XCL2: variants seen among roughly 807,000 people sequenced by gnomAD.
The protein encoded by XCL2 is cytokine SCM-1 beta.
In XCL2, 8 loss-of-function variants were observed where a neutral mutation model predicts 7.2. The ratio of observed to expected loss-of-function variants is 1.10; its 90% CI spans 0.65 to 1.99. The LOEUF (loss-of-function observed/expected upper bound fraction) is 1.99. XCL2 is among the 30% of genes most tolerant of loss of function. The probability of loss-of-function intolerance (pLI) is 0.00; values close to 1 mark genes in which losing one functional copy is unlikely to be tolerated. For missense variants in XCL2, 131 were observed against 138.6 expected, an observed-to-expected ratio of 0.94 and a Z score of 0.28; for synonymous variants, 46 against 54.2, an observed-to-expected ratio of 0.85 and a Z score of 0.67.
chr1:168,541,046 A>T lies in XCL2; in HGVS notation c.251T>A (p.Met84Lys). The change falls in exon 3 of 3, where the codon ATG becomes AAG. Residue 84 changes from methionine (M) to lysine (K), a missense_variant. By Grantham distance (95) the Met-to-Lys change is moderately conservative. Transcript: ENST00000367819. ...ATWVRDVVRSMDRKSNTRNNM... is the reference protein window; with the variant it reads ...ATWVRDVVRSKDRKSNTRNNM... The stretch of plus-strand genomic sequence containing the variant: ...ATTTCTGGTGTTGGATTTCCTGTCC[A>T]TGCTCCTGACCACGTCTCTCACCCA... The T allele has an allele frequency of 6.2e-7, 1 of 1,613,696 alleles. No individual in the cohort carries two copies. Among genetic ancestry groups the T allele is most frequent in the Non-Finnish European group, 8.5e-7 (1 of 1,179,730 alleles).
chr1:168,543,574 T>G (rs542735711), intron 1 of XCL2, among the ~76,000 whole-genome samples: 1 of 146,450 alleles, frequency 6.8e-6, no homozygotes, highest in African/African-American at 2.4e-5. Context: ...TAAACCATAA[T>G]ATTTATTTAA....
chr1:168,541,470 A>C (rs2101815135), intron 2 of XCL2, among the ~76,000 whole-genome samples: 1 of 152,130 alleles, frequency 6.6e-6, no homozygotes, highest in Middle Eastern at 3.4e-3. Context: ...ATTTTTTTTA[A>C]AAAGGTGATT....
chr1:168,541,159 T>G, intron 2 of XCL2, 39 bp from the exon 3 acceptor site: 1 of 1,607,474 alleles, frequency 6.2e-7, no homozygotes, highest in Non-Finnish European at 8.5e-7. Context: ...TTAGCCACGT[T>G]CTCAAAGCCT....
At position 168,540,773 on chromosome 1, in the gene XCL2, A is replaced by G. The variant is rs1654257599; in HGVS notation, c.*179T>C. ...AATAGACTAGGGAACTATTCTTAAT[A>G]ATAAATAATTTATTAATTAGAACAT... On this transcript the variant is annotated 3_prime_UTR_variant, in exon 3 of 3. Coordinates refer to ENST00000367819, the MANE Select transcript of XCL2 (RefSeq NM_003175.4). 7 of 699,038 alleles carry G rather than the reference A, an allele frequency of 1.0e-5. No individual in the cohort carries two copies. Among genetic ancestry groups the G allele is most frequent in the South Asian group, 8.6e-5 (2 of 23,282 alleles). The allele number at this position is 699,038 out of a possible 1,614,324, so 43.3% of individuals were successfully genotyped here.
chr1:168,543,971 G>C lies in XCL2; in HGVS notation c.-7C>G, dbSNP rs371559713. The C allele has an allele frequency of 1.2e-5, 19 of 1,605,402 alleles. No homozygotes were observed. Among genetic ancestry groups the C allele is most frequent in the Non-Finnish European group, 1.5e-5 (18 of 1,176,132 alleles). On this transcript the variant is annotated 5_prime_UTR_variant, in exon 1 of 3. Coordinates refer to ENST00000367819, the MANE Select transcript of XCL2 (RefSeq NM_003175.4). ...CCAGGATGAGAAGTCTCATGGCTGA[G>C]GTCCCGCTGAGCTGTGCAGGGAGAG...
rs1489472804 is a variant in XCL2 at position 168,540,799 on chromosome 1, A to G, written c.*153T>C. 2.3e-6 allele frequency: 2 copies of G among 877,370 alleles called. No homozygotes were observed. The highest frequency in any genetic ancestry group is 2.9e-5 in the South Asian group (1 of 34,782). 54.3% of individuals were successfully genotyped at this position (877,370 alleles called of 1,614,324 possible). A position where few individuals can be genotyped will look rare whatever the true frequency, so the allele number is the denominator to read the frequency against. The stretch of plus-strand genomic sequence containing the variant: ...ATAAATAATTTATTAATTAGAACAT[A>G]TAAGTGAATACAGAAGACATTTAAA... On this transcript the variant is annotated 3_prime_UTR_variant, in exon 3 of 3. Coordinates refer to ENST00000367819, the MANE Select transcript of XCL2 (RefSeq NM_003175.4).
chr1:168,541,737 T>G (rs1259567727), intron 2 of XCL2, among the ~76,000 whole-genome samples: 1 of 152,192 alleles, frequency 6.6e-6, no homozygotes, highest in East Asian at 1.9e-4. Flanking sequence ...GTGCACAGTA[T>G]TCAACAGACT....
chr1:168,542,135 A>G (rs770920437), intron 1 of XCL2, 28 bp from the exon 2 acceptor site: 4 of 1,465,376 alleles, frequency 2.7e-6, no homozygotes, highest in Non-Finnish European at 3.7e-6. Context: ...ACAACAGACA[A>G]TTAAAAATAA....
intron 1 of XCL2, among the ~76,000 whole-genome samples, chr1:168,542,514 C>T (rs541422725): frequency 6.6e-6 from 1 of 152,124 alleles, no homozygotes; most frequent in South Asian, 2.1e-4. Flanking sequence ...AGCATATCTT[C>T]TCATGAGGGA....
In XCL2 at chr1:168,541,017, T is replaced by C; in HGVS notation, c.280A>G (p.Met94Val). ...GTTCCTGTTGGCTTGGTCTGGATCA[T>C]GTTATTTCTGGTGTTGGATTTCCTG... Reference protein sequence around the residue: ...MDRKSNTRNNMIQTKPTGTQQ... With the variant: ...MDRKSNTRNNVIQTKPTGTQQ... Residue 94 changes from methionine to valine, a missense_variant, in exon 3 of 3, where the codon ATG becomes GTG. Coordinates refer to ENST00000367819, the MANE Select transcript of XCL2 (RefSeq NM_003175.4). 4 of 1,613,718 alleles carry C rather than the reference T, an allele frequency of 2.5e-6. No individual in the cohort carries two copies. Among genetic ancestry groups the C allele is most frequent in the Non-Finnish European group, 3.4e-6 (4 of 1,179,736 alleles).
At chr1:168,541,851 G>A (rs1654290327) in intron 2 of XCL2, 142 bp downstream of exon 2, 4 of 664,672 alleles carry the variant, frequency 6.0e-6, no homozygotes, top group Non-Finnish European at 9.8e-6. Context: ...TGGTTGATAA[G>A]GAAAACTAAA....
chr1:168,543,783 A>T (rs551471636), intron 1 of XCL2, 121 bp downstream of exon 1: 16 of 1,343,464 alleles, frequency 1.2e-5, no homozygotes, highest in Non-Finnish European at 1.7e-5. Context: ...TGCACATGGG[A>T]AGTTTAAGGC....
intron 2 of XCL2, 44 bp from the exon 3 acceptor site, chr1:168,541,164 A>G: frequency 6.2e-7 from 1 of 1,606,390 alleles, no homozygotes; most frequent in Non-Finnish European, 8.5e-7. Flanking sequence ...CACGTTCTCA[A>G]AGCCTCAGGG....
intron 1 of XCL2, among the ~76,000 whole-genome samples, chr1:168,542,388 T>C (rs1654306534): frequency 6.6e-6 from 1 of 152,020 alleles, no homozygotes; most frequent in Admixed American, 6.6e-5. Context: ...TATTTTCACT[T>C]AGACATTTGG....
chr1:168,541,580 T>C (rs1178882261), intron 2 of XCL2, among the ~76,000 whole-genome samples: 1 of 152,112 alleles, frequency 6.6e-6, no homozygotes, highest in Non-Finnish European at 1.5e-5. Flanking sequence ...ACCATGTAGG[T>C]TGTGCATTGA....
intron 1 of XCL2, 125 bp from the exon 2 acceptor site, chr1:168,542,232 A>G: frequency 1.4e-6 from 1 of 690,716 alleles, no homozygotes; most frequent in Non-Finnish European, 2.2e-6. Flanking sequence ...TTTTTGGGGG[A>G]AGAGAGGACT....
chr1:168,543,763 A>G, intron 1 of XCL2, 141 bp downstream of exon 1: 1 of 1,070,504 alleles, frequency 9.3e-7, no homozygotes, highest in Non-Finnish European at 1.4e-6. Flanking sequence ...CAAAATCATC[A>G]TTCCTTTCTT....
Position 168,543,976 on chromosome 1 carries a change from C to T in XCL2, c.-12G>A, listed in dbSNP as rs3820406. ...ATGAGAAGTCTCATGGCTGAGGTCC[C>T]GCTGAGCTGTGCAGGGAGAGTGAGG... On this transcript the variant is annotated 5_prime_UTR_variant, in exon 1 of 3. Coordinates refer to ENST00000367819, the MANE Select transcript of XCL2 (RefSeq NM_003175.4). 0.039 allele frequency: 55,227 copies of T among 1,420,348 alleles called. 4,196 individuals carry two copies. The highest frequency in any genetic ancestry group is 0.13 in the African/African-American group (7,731 of 57,386). The allele number at this position is 1,420,348 out of a possible 1,614,324, so 88.0% of individuals were successfully genotyped here. A position where few individuals can be genotyped will look rare whatever the true frequency, so the allele number is the denominator to read the frequency against.
chr1:168,541,948 C>G, intron 2 of XCL2, 45 bp downstream of exon 2: 21 of 1,593,520 alleles, frequency 1.3e-5, no homozygotes, highest in Non-Finnish European at 1.8e-5. Context: ...TATTTCTATA[C>G]CTCTAGGTAC....
Sources: gnomAD v4.1 joint callset for allele counts (sites outside exome capture counted in the v4.1 genomes callset) on GRCh38, gnomAD v4.1.1 for gene constraint, MANE v1.5 for transcripts, NCBI Gene and HGNC (gene_info 2026-07-23, HGNC 2026-07-21) for gene names.